Variants in PARD3B observed in about 807,000 individuals in gnomAD.
The protein encoded by PARD3B is par-3 family cell polarity regulator beta, also known as partitioning defective 3 homolog B.
A neutral mutation model predicts 130.2 loss-of-function variants in PARD3B; 103 were observed. The ratio of observed to expected loss-of-function variants is 0.79; its 90% CI spans 0.67 to 0.93. PARD3B has a LOEUF of 0.93. PARD3B is among the 40% of genes least tolerant of loss of function. PARD3B has a pLI of 0.00. For missense variants in PARD3B, 1,609 were observed against 1,499.2 expected, an observed-to-expected ratio of 1.07 and a Z score of -1.21; for synonymous variants, 583 against 553.2, an observed-to-expected ratio of 1.05 and a Z score of -0.76.
intron 19 of PARD3B, among the ~76,000 whole-genome samples, chr2:205,413,233 A>G (rs570540733): frequency 5.9e-5 from 9 of 152,276 alleles, no homozygotes; most frequent in African/African-American, 2.2e-4. Flanking sequence ...TACTTAAAGT[A>G]CCTAGAACTG....
intron 1 of PARD3B, among the ~76,000 whole-genome samples, chr2:204,597,709 A>G (rs1434596314): frequency 1.3e-5 from 2 of 152,170 alleles, no homozygotes; most frequent in African/African-American, 4.8e-5. Context: ...AGAGCCTGGT[A>G]CATTATAGGC....
chr2:205,369,412 C>T (rs1369511661), intron 18 of PARD3B, among the ~76,000 whole-genome samples: 3 of 152,182 alleles, frequency 2.0e-5, no homozygotes, highest in Non-Finnish European at 4.4e-5. Context: ...CCAGTGAGAG[C>T]CAGCATGATC....
chr2:205,223,623 A>AAAACCAACCAACCAACC (rs1050861611), intron 15 of PARD3B, among the ~76,000 whole-genome samples: 17 of 151,940 alleles, frequency 1.1e-4, no homozygotes, highest in African/African-American at 4.1e-4. Context: ...GTATTCAAAA[A>AAAACCAACCAACCAACC]AACCAACCAA....
At chr2:205,310,391 CAT>C (rs1160816870) in intron 18 of PARD3B, among the ~76,000 whole-genome samples, 2 of 152,002 alleles carry the variant, frequency 1.3e-5, no homozygotes, top group Admixed American at 6.6e-5. Flanking sequence ...AAGTACAAGA[CAT>C]ATTGTTTTTA....
Position 205,463,727 on chromosome 2 carries a change from C to T in PARD3B, c.3044+23055C>T, listed in dbSNP as rs145835433. ...TATGTTTATAGGCCAGTCACTTGCACGCTGAGACTGAAATCCTGAAAGATT... is the reference window on the plus strand; with the variant it reads ...TATGTTTATAGGCCAGTCACTTGCATGCTGAGACTGAAATCCTGAAAGATT... On this transcript the variant is annotated intron_variant, in intron 20 of 22. Coordinates refer to ENST00000406610, the MANE Select transcript of PARD3B (RefSeq NM_001302769.2). This position sits in a 1 kb window ranked among gnomAD's most constrained non-coding sequence, Gnocchi z 4.8. Among the ~76,000 whole-genome samples, 1 of 152,248 alleles carries T rather than the reference C, an allele frequency of 6.6e-6. No individual in the cohort carries two copies. Among genetic ancestry groups the T allele is most frequent in the Non-Finnish European group, 1.5e-5 (1 of 68,022 alleles).
chr2:204,739,543 C>T (rs1459557419), intron 2 of PARD3B, among the ~76,000 whole-genome samples: 2 of 152,134 alleles, frequency 1.3e-5, no homozygotes, highest in Non-Finnish European at 2.9e-5. Context: ...CAGCCTCAAA[C>T]TCCTGGGCTC....
chr2:204,816,634 CAA>C (rs540409151), intron 2 of PARD3B, among the ~76,000 whole-genome samples: 1 of 151,398 alleles, frequency 6.6e-6, no homozygotes, highest in African/African-American at 2.4e-5. Context: ...TGTTCCTCTG[CAA>C]AAAAATGTCT....
intron 16 of PARD3B, among the ~76,000 whole-genome samples, chr2:205,261,513 A>G (rs1363182633): frequency 2.0e-5 from 3 of 152,178 alleles, no homozygotes; most frequent in Non-Finnish European, 4.4e-5. Context: ...ATCTCTTTTG[A>G]CAAGACAATC....
chr2:205,208,373 A>G (rs1422004164), intron 15 of PARD3B, among the ~76,000 whole-genome samples: 2 of 128,548 alleles, frequency 1.6e-5, no homozygotes, highest in Non-Finnish European at 3.2e-5. Flanking sequence ...GGCCAGGGCA[A>G]TCAGGCAGGA....
chr2:204,997,004 C>G (rs916760470), intron 3 of PARD3B, among the ~76,000 whole-genome samples: 5 of 152,080 alleles, frequency 3.3e-5, no homozygotes, highest in African/African-American at 1.2e-4. Context: ...GAGATGAACC[C>G]GGTACCTCAG....
At chr2:205,139,211 G>A (rs2032744162) in intron 10 of PARD3B, among the ~76,000 whole-genome samples, 1 of 151,826 alleles carries the variant, frequency 6.6e-6, no homozygotes, top group Non-Finnish European at 1.5e-5. Context: ...GGCTCAACGT[G>A]CAGGCACCAA....
intron 3 of PARD3B, among the ~76,000 whole-genome samples, chr2:204,990,161 A>G (rs549905774): frequency 4.6e-5 from 7 of 152,190 alleles, no homozygotes; most frequent in African/African-American, 1.7e-4. Flanking sequence ...GCATATTTTA[A>G]TGTAATTATT....
chr2:204,546,226 C>T (rs1306077323), intron 1 of PARD3B, 107 bp downstream of exon 1: 1 of 1,445,712 alleles, frequency 6.9e-7, no homozygotes. Context: ...GATTATGGGG[C>T]ACTGCCTGTA....
chr2:204,631,226 G>T (rs895690059), intron 1 of PARD3B, among the ~76,000 whole-genome samples: 4 of 149,514 alleles, frequency 2.7e-5, no homozygotes, highest in Non-Finnish European at 5.9e-5. Context: ...TCATTGTACC[G>T]ATGGGTCTTA....
intron 22 of PARD3B, among the ~76,000 whole-genome samples, chr2:205,611,926 G>A (rs986531844): frequency 1.3e-5 from 2 of 152,132 alleles, no homozygotes; most frequent in Non-Finnish European, 2.9e-5. Flanking sequence ...TCCTAAGGAA[G>A]CTGCCCCTGG....
In PARD3B at chr2:205,591,968, C is replaced by T. The variant is rs2054401778; in HGVS notation, c.3261-23488C>T. Reference sequence around the variant, plus strand: ...GGACATTAAGATTCAAGGCTAGGATCTCATTTAATGGTCACACCTAGACAA... The same window carrying T: ...GGACATTAAGATTCAAGGCTAGGATTTCATTTAATGGTCACACCTAGACAA... On this transcript the variant is annotated intron_variant, in intron 22 of 22. Transcript: ENST00000406610. The surrounding 1 kb of genome is among the most constrained non-coding windows in gnomAD (Gnocchi z 4.2). Among the ~76,000 whole-genome samples the T allele has an allele frequency of 6.6e-6, 1 of 152,176 alleles. No homozygotes were observed. The highest frequency in any genetic ancestry group is 2.4e-5 in the African/African-American group (1 of 41,442).
intron 18 of PARD3B, among the ~76,000 whole-genome samples, chr2:205,316,260 G>A (rs2042560394): frequency 6.6e-6 from 1 of 151,976 alleles, no homozygotes; most frequent in Admixed American, 6.6e-5. Context: ...GTTGAAGGAT[G>A]AGTTAACTGG....
chr2:205,464,795 C>T (rs969134705), intron 20 of PARD3B, among the ~76,000 whole-genome samples: 1 of 152,122 alleles, frequency 6.6e-6, no homozygotes, highest in African/African-American at 2.4e-5. Flanking sequence ...TGCAGCCTCC[C>T]TTGGTGGCCT....
At chr2:205,345,945 T>C (rs13013428) in intron 18 of PARD3B, among the ~76,000 whole-genome samples, 1 of 61,814 alleles carries the variant, frequency 1.6e-5, no homozygotes. Flanking sequence ...CCAAGGCAGG[T>C]GGATCACCTG....
Sources: gnomAD v4.1 joint callset for allele counts (sites outside exome capture counted in the v4.1 genomes callset) on GRCh38, gnomAD v4.1.1 for gene constraint, Gnocchi (gnomAD v3.1) non-coding constraint, MANE v1.5 for transcripts, NCBI Gene and HGNC (gene_info 2026-07-23, HGNC 2026-07-21) for gene names.